Variants in BEST3 observed in about 807,000 individuals in gnomAD.
The protein encoded by BEST3 is bestrophin-3.
Under a neutral mutation model 47.1 loss-of-function variants are expected in BEST3, and 50 were observed. That is an observed-to-expected ratio of 1.06 (90% confidence interval 0.85 to 1.34). The LOEUF (loss-of-function observed/expected upper bound fraction) is 1.34, where lower values mean the gene tolerates loss of function less well. BEST3 is among the 40% of genes most tolerant of loss of function. The pLI is 0.00. For synonymous variants in BEST3, 282 were observed against 298.8 expected (o/e 0.94, Z 0.58); for missense variants, 765 against 817.0 (o/e 0.94, Z 0.78).
chr12:69,647,391 G>A lies in BEST3; in HGVS notation c.1101-3604C>T, dbSNP rs138951474. 2.4e-3 allele frequency among the ~76,000 whole-genome samples: 362 copies of A among 152,296 alleles called. 3 individuals are homozygous for A. The highest frequency in any genetic ancestry group is 8.1e-3 in the African/African-American group (337 of 41,558). ...TGCCCCAAGCTCTGAAAGGGGAAAC[G>A]TCACCACTCACAGGTAGCAGAAGGG... is the stretch of plus-strand genomic sequence containing the variant. On this transcript the variant is annotated intron_variant, in intron 9 of 9. Coordinates refer to the BEST3 transcript ENST00000331471.
rs112973003 is a variant in BEST3 at position 69,647,717 on chromosome 12, A to C, written c.1101-3930T>G. Among the ~76,000 whole-genome samples, 256 of 152,334 alleles carry C rather than the reference A, an allele frequency of 1.7e-3. 2 individuals are homozygous for C. The highest frequency in any genetic ancestry group is 5.8e-3 in the African/African-American group (241 of 41,592). ...GGGATGGGGAAGGATTTCTCATACAAAACTTCAAAAGCATAAAACAAAAAA... is the reference window on the plus strand; with the variant it reads ...GGGATGGGGAAGGATTTCTCATACACAACTTCAAAAGCATAAAACAAAAAA... On this transcript the variant is annotated intron_variant, in intron 9 of 9. Coordinates refer to the BEST3 transcript ENST00000331471.
chr12:69,649,005 A>G (rs190933760), downstream of BEST3, among the ~76,000 whole-genome samples: 228 of 152,216 alleles, frequency 1.5e-3, no homozygotes, highest in African/African-American at 5.0e-3. Flanking sequence ...AGAATTTATT[A>G]TTATTATTTG....
intron 4 of BEST3, among the ~76,000 whole-genome samples, chr12:69,691,545 A>C (rs895183963): frequency 2.0e-5 from 3 of 152,224 alleles, no homozygotes; most frequent in African/African-American, 7.2e-5. Context: ...CTGTAATCCC[A>C]GCACTTTGGG....
intron 9 of BEST3, among the ~76,000 whole-genome samples, chr12:69,657,237 A>G (rs1883560516): frequency 6.6e-6 from 1 of 151,994 alleles, no homozygotes; most frequent in South Asian, 2.1e-4. Context: ...CTGGGATTAC[A>G]GGTGGGTGCT....
intron 9 of BEST3, among the ~76,000 whole-genome samples, chr12:69,666,112 T>G (rs1414962507): frequency 6.6e-6 from 1 of 152,150 alleles, no homozygotes; most frequent in African/African-American, 2.4e-5. Flanking sequence ...CTTCCCCTCC[T>G]GGGTTCAAGT....
intron 9 of BEST3, among the ~76,000 whole-genome samples, chr12:69,668,571 A>C (rs1376665476): frequency 1.3e-5 from 2 of 152,206 alleles, no homozygotes; most frequent in African/African-American, 4.8e-5. Context: ...TTCATTGCTT[A>C]GGGAATTATC....
intron 2 of BEST3, among the ~76,000 whole-genome samples, chr12:69,696,503 T>C (rs927414600): frequency 1.1e-4 from 17 of 152,174 alleles, no homozygotes; most frequent in African/African-American, 4.1e-4. Flanking sequence ...CCTACCTAAA[T>C]TGCCAAAATA....
At chr12:69,684,104 G>C (rs1024110702) in intron 4 of BEST3, 1 of 155,030 alleles carries the variant, frequency 6.5e-6, no homozygotes, top group Non-Finnish European at 1.4e-5. Flanking sequence ...TTCCCTGCAC[G>C]TGTCTGTCTC....
At position 69,696,046 on chromosome 12, in the gene BEST3, T is replaced by C. The variant is rs11177796; in HGVS notation, c.153-1582A>G. Among the ~76,000 whole-genome samples the C allele has an allele frequency of 1.6e-3, 246 of 152,268 alleles. 1 individual carries two copies. The highest frequency in any genetic ancestry group is 2.9e-3 in the Non-Finnish European group (197 of 68,000). ...TTTTTGTTAGGAATAATTATGTACC[T>C]ATAATAGAGCTAATAAAGACTTAGA... On this transcript the variant is annotated intron_variant, in intron 2 of 9. Transcript: ENST00000330891.
At chr12:69,695,952 A>G (rs2136050948) in intron 2 of BEST3, among the ~76,000 whole-genome samples, 1 of 152,276 alleles carries the variant, frequency 6.6e-6, no homozygotes, top group East Asian at 1.9e-4. Context: ...TTCAGAAATT[A>G]TTTTGTCAAA....
intron 9 of BEST3, among the ~76,000 whole-genome samples, chr12:69,659,806 A>T (rs1271717448): frequency 6.6e-6 from 1 of 152,190 alleles, no homozygotes; most frequent in Middle Eastern, 3.2e-3. Context: ...ATACCACTTA[A>T]CCAACTAATA....
In BEST3 at chr12:69,656,993, G is replaced by A. The variant is rs184826115; in HGVS notation, c.1101-1180C>T. 1.2e-4 allele frequency among the ~76,000 whole-genome samples: 18 copies of A among 152,270 alleles called. No individual in the cohort carries two copies. In the East Asian group the frequency reaches 2.5e-3, roughly 21 times the overall value. ...TCCAGTTAGGGTGAACTTGCATCGC[G>A]ATTGGGCTCTGCTTGTGATAAAATT... On this transcript the variant is annotated intron_variant, in intron 9 of 9. Coordinates refer to ENST00000330891, the MANE Select transcript of BEST3 (RefSeq NM_032735.3).
At chr12:69,657,384 C>T (rs905466821) in intron 9 of BEST3, among the ~76,000 whole-genome samples, 2 of 152,180 alleles carry the variant, frequency 1.3e-5, no homozygotes, top group Non-Finnish European at 2.9e-5. Flanking sequence ...GCATGAGCCA[C>T]CACACTTGGC....
In BEST3 at chr12:69,663,887, C is replaced by T. The variant is rs1003529940; in HGVS notation, c.1100+7541G>A. On this transcript the variant is annotated intron_variant, in intron 9 of 9. Coordinates refer to ENST00000330891, the MANE Select transcript of BEST3 (RefSeq NM_032735.3). ...AAACTCCAGCAGATTAGAAAGGATTCCGCAGTATTACAAAAGAACAAGCAA... is the reference window on the plus strand; with the variant it reads ...AAACTCCAGCAGATTAGAAAGGATTTCGCAGTATTACAAAAGAACAAGCAA... 5.3e-5 allele frequency among the ~76,000 whole-genome samples: 8 copies of T among 152,214 alleles called. No individual in the cohort carries two copies. The South Asian group carries it at 1.7e-3, about 32-fold the overall frequency.
At chr12:69,675,260 C>T (rs562604380) in intron 7 of BEST3, among the ~76,000 whole-genome samples, 1 of 152,220 alleles carries the variant, frequency 6.6e-6, no homozygotes, top group East Asian at 1.9e-4. Flanking sequence ...TGTGGGACTG[C>T]AGGCATGCGC....
intron 9 of BEST3, among the ~76,000 whole-genome samples, chr12:69,664,978 A>C (rs998058728): frequency 6.6e-6 from 1 of 152,218 alleles, no homozygotes; most frequent in Admixed American, 6.5e-5. Flanking sequence ...TCTGAAATGC[A>C]TTTCCTCCTG....
At chr12:69,682,081 C>CA (rs35331064) in intron 4 of BEST3, among the ~76,000 whole-genome samples, 22,044 of 102,144 alleles carry the variant, frequency 0.22, 2,696 homozygotes, top group African/African-American at 0.26. Context: ...GACTCCGTCT[C>CA]AAAAAAAAAA....
At chr12:69,667,896 G>T (rs1242668079) in intron 9 of BEST3, among the ~76,000 whole-genome samples, 9 of 152,128 alleles carry the variant, frequency 5.9e-5, no homozygotes, top group African/African-American at 2.4e-5. Context: ...GTATGTGAGG[G>T]TCCAAGGGAA....
downstream of BEST3, among the ~76,000 whole-genome samples, chr12:69,653,220 C>T (rs1883268841): frequency 6.6e-6 from 1 of 152,166 alleles, no homozygotes; most frequent in Non-Finnish European, 1.5e-5. Context: ...GGAGCAATGC[C>T]CTTCTCTATG....
Sources: allele counts gnomAD v4.1 joint callset (sites outside exome capture counted in the v4.1 genomes callset), GRCh38; gene constraint gnomAD v4.1.1; transcripts MANE v1.5; gene names NCBI Gene and HGNC (gene_info 2026-07-23, HGNC 2026-07-21).